The following NSD2 variants were observed in gnomAD, a reference collection of about 807,000 sequenced individuals.
The protein encoded by NSD2 is nuclear receptor binding SET domain protein 2.
Under a neutral mutation model 139.0 loss-of-function variants are expected in NSD2, and 12 were observed. That is an observed-to-expected ratio of 0.09 (90% CI 0.06 to 0.14). The LOEUF (loss-of-function observed/expected upper bound fraction) is 0.14. Ranked by LOEUF, NSD2 falls within the 10% of genes least tolerant of loss-of-function variation. NSD2 has a pLI of 1.00. For missense variants in NSD2, 1,155 were observed against 1,745.0 expected (o/e 0.66, Z 6.02); for synonymous variants, 669 against 648.7 (o/e 1.03, Z -0.48).
intron 3 of NSD2, among the ~76,000 whole-genome samples, chr4:1,914,651 A>G (rs531639556): frequency 6.6e-6 from 1 of 152,232 alleles, no homozygotes; most frequent in African/African-American, 2.4e-5. Context: ...TTCTATCTTC[A>G]CACTTGATTG....
chr4:1,971,988 C>T (rs1016903161), intron 18 of NSD2, among the ~76,000 whole-genome samples: 3 of 152,168 alleles, frequency 2.0e-5, no homozygotes, highest in Admixed American at 6.5e-5. Context: ...TAAGGCAGGA[C>T]GCTCACGCCG....
At chr4:1,938,028 C>A (rs1347574396) in intron 7 of NSD2, among the ~76,000 whole-genome samples, 1 of 152,184 alleles carries the variant, frequency 6.6e-6, no homozygotes, top group Non-Finnish European at 1.5e-5. Context: ...TTGGGCACCT[C>A]TTGAATGGAA....
At chr4:1,893,137 A>G (rs1318562939) in intron 1 of NSD2, among the ~76,000 whole-genome samples, 1 of 151,872 alleles carries the variant, frequency 6.6e-6, no homozygotes, top group African/African-American at 2.4e-5. Flanking sequence ...TGTCCTTGTG[A>G]TTTTACACCT....
chr4:1,925,389 C>CTTTTTTTTTTTTTTTTT (rs34335852), intron 5 of NSD2, among the ~76,000 whole-genome samples: 7 of 38,006 alleles, frequency 1.8e-4, no homozygotes, highest in South Asian at 2.0e-3. Context: ...CTTTTTCTTT[C>CTTTTTTTTTTTTTTTTT]TTTTTTTTTT....
chr4:1,872,040 G>C (rs1713820315), intron 1 of NSD2, among the ~76,000 whole-genome samples: 1 of 151,184 alleles, frequency 6.6e-6, no homozygotes, highest in Non-Finnish European at 1.5e-5. Flanking sequence ...GGCAGGTTGG[G>C]GTCCCGGGGC....
chr4:1,908,268 G>C (rs931073581), intron 3 of NSD2, among the ~76,000 whole-genome samples: 1 of 152,202 alleles, frequency 6.6e-6, no homozygotes, highest in Admixed American at 6.5e-5. Context: ...TTGGAACCTT[G>C]AAAGGTAGCT....
chr4:1,939,849 G>A, intron 9 of NSD2, 71 bp downstream of exon 9: 1 of 1,610,076 alleles, frequency 6.2e-7, no homozygotes, highest in Non-Finnish European at 8.5e-7. Context: ...GCTGCAGTGT[G>A]AGTAATGCTC....
intron 9 of NSD2, chr4:1,946,619 T>C (rs748680814): frequency 1.4e-5 from 14 of 1,030,626 alleles, no homozygotes; most frequent in Admixed American, 1.1e-4. Flanking sequence ...TTAGGACTTT[T>C]TGTCAACGAA....
At chr4:1,945,201 G>T (rs1005906919) in intron 9 of NSD2, 1 of 1,066,900 alleles carries the variant, frequency 9.4e-7, no homozygotes, top group African/African-American at 1.6e-5. Flanking sequence ...TTAAAATGGG[G>T]TGCTCAGGGA....
At chr4:1,878,795 A>G (rs1714491643) in intron 1 of NSD2, among the ~76,000 whole-genome samples, 1 of 152,172 alleles carries the variant, frequency 6.6e-6, no homozygotes, top group Non-Finnish European at 1.5e-5. Flanking sequence ...CACCATTAGC[A>G]GGGCTGGAGA....
chr4:1,931,582 A>G (rs1263347270), intron 6 of NSD2, among the ~76,000 whole-genome samples: 1 of 152,194 alleles, frequency 6.6e-6, no homozygotes, highest in Non-Finnish European at 1.5e-5. Context: ...GGAGAGTCCA[A>G]ACATAAAGTG....
At position 1,978,657 on chromosome 4, in the gene NSD2, GCAT is replaced by G. The variant is rs1727392355; in HGVS notation, c.3850_3852del (p.His1284del). ...TTGCAGGGAAGTGGGAATGTCCTTGGCATCATTGTGACGTGTGTGGCAAACCTT... is the reference window on the plus strand; with the variant it reads ...TTGCAGGGAAGTGGGAATGTCCTTGGCATTGTGACGTGTGTGGCAAACCTT... On this transcript the variant is annotated inframe_deletion, in exon 22 of 22. Transcript: ENST00000508803. 6.2e-7 allele frequency: 1 copy of G among 1,611,518 alleles called. No homozygotes were observed. The highest frequency in any genetic ancestry group is 1.3e-5 in the African/African-American group (1 of 74,906).
intron 1 of NSD2, among the ~76,000 whole-genome samples, chr4:1,894,875 T>C (rs560448780): frequency 1.3e-5 from 2 of 152,276 alleles, no homozygotes; most frequent in African/African-American, 4.8e-5. Flanking sequence ...TATACAACCA[T>C]GACACTGTCT....
At chr4:1,906,912 C>T (rs765929015) in intron 3 of NSD2, among the ~76,000 whole-genome samples, 1 of 152,092 alleles carries the variant, frequency 6.6e-6, no homozygotes, top group South Asian at 2.1e-4. Context: ...CTGCCCACCT[C>T]GGCCTCCCAA....
rs1164692336 is a variant in NSD2 at position 1,956,828 on chromosome 4, C to T, written c.2881+640C>T. On this transcript the variant is annotated intron_variant, in intron 15 of 21. Coordinates refer to ENST00000508803, the MANE Select transcript of NSD2 (RefSeq NM_001042424.3). This position sits in a 1 kb window ranked among gnomAD's most constrained non-coding sequence, Gnocchi z 5.3. ...AGCACACGCTGTGTTGCAGCCGGGT[C>T]AGTGCTGGCTCCTGTGTGACTGCAG... Among the ~76,000 whole-genome samples the T allele has an allele frequency of 6.6e-6, 1 of 152,224 alleles. No individual in the cohort carries two copies. The highest frequency in any genetic ancestry group is 2.1e-4 in the South Asian group (1 of 4,838).
Position 1,981,742 on chromosome 4 carries a change from C to G in NSD2, c.*2833C>G. The G allele has an allele frequency of 2.5e-6, 1 of 397,224 alleles. No individual in the cohort carries two copies. The highest frequency in any genetic ancestry group is 4.4e-5 in the Admixed American group (1 of 22,698). 24.6% of individuals were successfully genotyped at this position (397,224 alleles called of 1,614,324 possible). On this transcript the variant is annotated 3_prime_UTR_variant, in exon 22 of 22. Transcript: ENST00000508803. Reference sequence around the variant, plus strand: ...CCCCGGCGTGTGCAGTGCCCATCTTCCAGGACTACCTTATTTTCCAGAATT... The same window carrying G: ...CCCCGGCGTGTGCAGTGCCCATCTTGCAGGACTACCTTATTTTCCAGAATT...
chr4:1,873,448 G>C (rs1577342608), intron 1 of NSD2, among the ~76,000 whole-genome samples: 1 of 152,286 alleles, frequency 6.6e-6, no homozygotes, highest in East Asian at 1.9e-4. Flanking sequence ...CTGCAGGTGC[G>C]ACTTGCTTTG....
intron 7 of NSD2, among the ~76,000 whole-genome samples, chr4:1,936,564 G>A (rs1229056060): frequency 6.6e-6 from 1 of 151,264 alleles, no homozygotes; most frequent in Admixed American, 6.6e-5. Context: ...TCAGCTACTC[G>A]GGATGAGGCA....
chr4:1,954,906 C>T (rs1560755735), intron 12 of NSD2, among the ~76,000 whole-genome samples: 1 of 152,192 alleles, frequency 6.6e-6, no homozygotes, highest in Admixed American at 6.5e-5. Flanking sequence ...GCACAATGCC[C>T]AGGTCGGCTG....
Sources: allele counts gnomAD v4.1 joint callset (sites outside exome capture counted in the v4.1 genomes callset), GRCh38; gene constraint gnomAD v4.1.1; non-coding constraint Gnocchi (gnomAD v3.1); transcripts MANE v1.5; gene names NCBI Gene and HGNC (gene_info 2026-07-23, HGNC 2026-07-21).